The following DAO variants were observed in gnomAD, a reference collection of about 807,000 sequenced individuals.
DAO encodes the protein D-amino acid oxidase, also known as D-amino-acid oxidase.
Under a neutral mutation model 50.1 loss-of-function variants are expected in DAO, and 51 were observed. That is an observed-to-expected ratio of 1.02 (90% CI 0.81 to 1.29). DAO has a LOEUF of 1.29. Among genes scored for constraint, DAO ranks in the 50% most tolerant of loss-of-function variants. The pLI is 0.00. For synonymous variants in DAO, 160 were observed against 166.2 expected (o/e 0.96, Z 0.29); for missense variants, 436 against 439.4 (o/e 0.99, Z 0.07).
chr12:108,881,608 T>TTTC (rs1314772468), intron 1 of DAO, among the ~76,000 whole-genome samples: 2 of 148,644 alleles, frequency 1.3e-5, no homozygotes, highest in African/African-American at 4.9e-5. Flanking sequence ...TAAATTTTTT[T>TTTC]TTTTTTTTTT....
At position 108,885,004 on chromosome 12, in the gene DAO, G is replaced by T. The variant is rs761824953; in HGVS notation, c.-3G>T. On this transcript the variant is annotated 5_prime_UTR_variant, in exon 2 of 11. Transcript: ENST00000228476. ...CAACCCTTCCTTCCCACAGGCTGCT[G>T]CAATGCGTGTGGTGGTGATTGGAGC... The T allele has an allele frequency of 6.2e-7, 1 of 1,614,064 alleles. No homozygotes were observed. Among genetic ancestry groups the T allele is most frequent in the Middle Eastern group, 1.6e-4 (1 of 6,062 alleles).
At chr12:108,890,305 A>C in intron 5 of DAO, 32 bp downstream of exon 5, 1 of 1,574,076 alleles carries the variant, frequency 6.4e-7, no homozygotes, top group East Asian at 2.2e-5. Flanking sequence ...TGAGGGAGGT[A>C]CCTCCCAGAG....
At chr12:108,891,360 G>A in intron 5 of DAO, among the ~76,000 whole-genome samples, 1 of 151,516 alleles carries the variant, frequency 6.6e-6, no homozygotes, top group South Asian at 2.1e-4. Context: ...TGAGGTGGGA[G>A]GATGGCTTTA....
rs113576450 is a variant in DAO, at chr12:108,885,166, C to A, written c.160C>A (p.Pro54Thr). The change falls in exon 2 of 11, where the codon CCC becomes ACC. Residue 54 changes from proline (P) to threonine (T), a missense_variant. Physicochemically the swap from Pro to Thr is conservative, Grantham distance 38. Transcript: ENST00000228476. Reference sequence around the variant, plus strand: ...CGACGTGGCTGCCGGCCTCTGGCAGCCCTACCTTTCTGACCCCAACAACCC... The same window carrying A: ...CGACGTGGCTGCCGGCCTCTGGCAGACCTACCTTTCTGACCCCAACAACCC... ...TTDVAAGLWQPYLSDPNNPQE... is the reference protein window; with the variant it reads ...TTDVAAGLWQTYLSDPNNPQE... The A allele has an allele frequency of 1.4e-5, 22 of 1,613,504 alleles. No individual in the cohort carries two copies. In the East Asian group the frequency reaches 4.9e-4, roughly 36 times the overall value.
intron 7 of DAO, among the ~76,000 whole-genome samples, chr12:108,895,434 TATGTGTGACG>T (rs2039540350): frequency 6.9e-6 from 1 of 144,758 alleles, no homozygotes; most frequent in Non-Finnish European, 1.5e-5. Flanking sequence ...GGTGTGTGCA[TATGTGTGACG>T]GTGTGTGTGC....
intron 1 of DAO, among the ~76,000 whole-genome samples, chr12:108,881,502 C>T (rs1277834638): frequency 6.6e-6 from 1 of 150,836 alleles, no homozygotes; most frequent in African/African-American, 2.4e-5. Flanking sequence ...CACACACACA[C>T]ACACACACGT....
chr12:108,895,621 T>C (rs1566039171), intron 7 of DAO, among the ~76,000 whole-genome samples: 1 of 146,058 alleles, frequency 6.8e-6, no homozygotes, highest in South Asian at 2.2e-4. Context: ...TGTGAGAGTA[T>C]GTATGCATGT....
intron 1 of DAO, among the ~76,000 whole-genome samples, chr12:108,884,283 G>C (rs150716290): frequency 2.0e-5 from 3 of 152,336 alleles, no homozygotes; most frequent in African/African-American, 7.2e-5. Context: ...TTAAGTCACA[G>C]CTGTACCATT....
In DAO at chr12:108,897,015, C is replaced by A; in HGVS notation, c.622C>A (p.Pro208Thr). 6.2e-7 allele frequency: 1 copy of A among 1,613,728 alleles called. No individual in the cohort carries two copies. The highest frequency in any genetic ancestry group is 1.6e-4 in the Middle Eastern group (1 of 6,062). ...GRGQIMKVDAPWMKHFILTHD... is the reference protein window; with the variant it reads ...GRGQIMKVDATWMKHFILTHD... ...TGCCCTGAATCAACAGGTGGACGCC[C>A]CTTGGATGAAGCACTTCATTCTCAC... Residue 208 changes from proline (P) to threonine (T), a missense_variant, in exon 8 of 11, where the codon CCT (proline) becomes ACT (threonine). Pro to Thr is a conservative substitution (Grantham distance 38, BLOSUM62 -1). Coordinates refer to ENST00000228476, the MANE Select transcript of DAO (RefSeq NM_001917.5).
chr12:108,895,265 G>GTA (rs891658149), intron 7 of DAO, among the ~76,000 whole-genome samples: 7 of 149,794 alleles, frequency 4.7e-5, no homozygotes, highest in African/African-American at 1.5e-4. Flanking sequence ...GTGTGTGCAT[G>GTA]TATGTGTGTG....
At position 108,887,503 on chromosome 12, in the gene DAO, A is replaced by G; in HGVS notation, c.248A>G (p.Asn83Ser). The change falls in exon 3 of 11, where the codon AAC (asparagine) becomes AGC (serine). Residue 83 changes from asparagine to serine, a missense_variant. Asn to Ser is a conservative substitution (Grantham distance 46). Transcript: ENST00000228476. ...DYLLSHVHSP[N>S]AENLGLFLIS... Reference sequence around the variant, plus strand: ...CTCCTGAGCCATGTCCATTCTCCCAACGCTGAAAACCTGGGCCTGTTCCTA... The same window carrying G: ...CTCCTGAGCCATGTCCATTCTCCCAGCGCTGAAAACCTGGGCCTGTTCCTA... 5 of 1,614,094 alleles carry G rather than the reference A, an allele frequency of 3.1e-6. No individual in the cohort carries two copies. Among genetic ancestry groups the G allele is most frequent in the Non-Finnish European group, 4.2e-6 (5 of 1,179,996 alleles).
At position 108,885,032 on chromosome 12, in the gene DAO, G is replaced by A. The variant is rs2039419866; in HGVS notation, c.26G>A (p.Gly9Glu). The A allele has an allele frequency of 6.2e-7, 1 of 1,614,000 alleles. No individual in the cohort carries two copies. The highest frequency in any genetic ancestry group is 1.3e-5 in the African/African-American group (1 of 74,886). The change falls in exon 2 of 11, where the codon GGA (glycine) becomes GAA (glutamate). Residue 9 changes from glycine (G) to glutamate (E), a missense_variant. By Grantham distance (98) the Gly-to-Glu change is moderately conservative. Coordinates refer to ENST00000228476, the MANE Select transcript of DAO (RefSeq NM_001917.5). ...ATGCGTGTGGTGGTGATTGGAGCAG[G>A]AGTCATCGGGCTGTCCACCGCCCTC... The part of the protein sequence containing the change: MRVVVIGA[G>E]VIGLSTALCI...
At chr12:108,899,326 G>T in intron 9 of DAO, 51 bp from the exon 10 acceptor site, 1 of 1,378,760 alleles carries the variant, frequency 7.3e-7, no homozygotes, top group Non-Finnish European at 1.0e-6. Flanking sequence ...CCTAAAAATG[G>T]CAGCAGGAAA....
chr12:108,888,750 T>C (rs749399615), intron 3 of DAO, among the ~76,000 whole-genome samples: 1 of 152,208 alleles, frequency 6.6e-6, no homozygotes, highest in Non-Finnish European at 1.5e-5. Flanking sequence ...CACTATGCTC[T>C]GTTGCTTTCT....
intron 1 of DAO, among the ~76,000 whole-genome samples, chr12:108,884,324 A>G (rs2039410887): frequency 6.6e-6 from 1 of 152,236 alleles, no homozygotes; most frequent in South Asian, 2.1e-4. Flanking sequence ...GGTAAGTCAC[A>G]TCACCTCTCT....
At chr12:108,888,340 ATT>A (rs35167645) in intron 3 of DAO, among the ~76,000 whole-genome samples, 1 of 146,044 alleles carries the variant, frequency 6.8e-6, no homozygotes. Flanking sequence ...GACCAAGAGT[ATT>A]TTTTTTTTTT....
intron 8 of DAO, 188 bp from the exon 9 acceptor site, chr12:108,898,491 T>C (rs562549017): frequency 7.6e-6 from 5 of 655,948 alleles, no homozygotes; most frequent in Non-Finnish European, 1.4e-5. Context: ...ATGTTGTTGA[T>C]GGAGATGACA....
At position 108,898,679 on chromosome 12, in the gene DAO, G is replaced by A. The variant is rs772752332; in HGVS notation, c.696G>A (p.Gly232=). 15 of 1,602,364 alleles carry A rather than the reference G, an allele frequency of 9.4e-6. No individual in the cohort carries two copies. Among genetic ancestry groups the A allele is most frequent in the African/African-American group, 1.3e-5 (1 of 74,768 alleles). ...CTTGACCCTCCTCATTTGTATCTAGGACCCAGACAGTTACTCTTGGAGGCA... is the reference window on the plus strand; with the variant it reads ...CTTGACCCTCCTCATTTGTATCTAGAACCCAGACAGTTACTCTTGGAGGCA... The part of the protein sequence containing the change: ...GIYNSPYIIP[G]TQTVTLGGIF... The change falls in exon 9 of 11, where the codon GGG becomes GGA. Residue 232 remains glycine (G), a splice_region_variant and synonymous_variant. Coordinates refer to ENST00000228476, the MANE Select transcript of DAO (RefSeq NM_001917.5).
chr12:108,891,708 C>T (rs1445475895), intron 5 of DAO, among the ~76,000 whole-genome samples: 31 of 151,962 alleles, frequency 2.0e-4, no homozygotes, highest in Non-Finnish European at 1.5e-5. Context: ...AAGTGATGCT[C>T]CCACCTCAGC....
Sources: allele counts gnomAD v4.1 joint callset (sites outside exome capture counted in the v4.1 genomes callset), GRCh38; gene constraint gnomAD v4.1.1; transcripts MANE v1.5; gene names NCBI Gene and HGNC (gene_info 2026-07-23, HGNC 2026-07-21).